Variants in ARHGAP10 observed in about 807,000 individuals in gnomAD.
ARHGAP10 encodes the protein Rho GTPase activating protein 10, also known as rho GTPase-activating protein 10.
In ARHGAP10, 87 loss-of-function variants were observed where a neutral mutation model predicts 108.6. That is an observed-to-expected ratio of 0.80 (90% CI 0.67 to 0.96). ARHGAP10 has a LOEUF of 0.96. Among genes scored for constraint, ARHGAP10 ranks in the 40% least tolerant of loss-of-function variants. The pLI is 0.00. For missense variants in ARHGAP10, 939 were observed against 954.5 expected (o/e 0.98, Z 0.21); for synonymous variants, 347 against 341.1 (o/e 1.02, Z -0.19).
chr4:147,858,696 G>A (rs917847207), intron 5 of ARHGAP10, among the ~76,000 whole-genome samples: 1 of 152,044 alleles, frequency 6.6e-6, no homozygotes. Flanking sequence ...CTCATCTCCT[G>A]CCCTCTGTCA....
chr4:147,737,369 G>A (rs945613214), intron 1 of ARHGAP10, among the ~76,000 whole-genome samples: 2 of 141,662 alleles, frequency 1.4e-5, no homozygotes, highest in Non-Finnish European at 3.0e-5. Flanking sequence ...CACTGTGGTT[G>A]GTCTTGAACT....
At position 148,072,233 on chromosome 4, in the gene ARHGAP10, G is replaced by T. The variant is rs1401670351; in HGVS notation, c.*152G>T. 3.9e-6 allele frequency: 2 copies of T among 509,536 alleles called. No individual in the cohort carries two copies. The highest frequency in any genetic ancestry group is 6.9e-6 in the Non-Finnish European group (2 of 291,762). The allele number at this position is 509,536 out of a possible 1,614,324, so 31.6% of individuals were successfully genotyped here. ...TCACAGTCAGCCCTGGGGGTGGGGG[G>T]TGGTGGGCAGGGATGGGACGCACCA... On this transcript the variant is annotated 3_prime_UTR_variant, in exon 23 of 23. Coordinates refer to ENST00000336498, the MANE Select transcript of ARHGAP10 (RefSeq NM_024605.4).
intron 1 of ARHGAP10, among the ~76,000 whole-genome samples, chr4:147,766,814 A>T (rs1579018089): frequency 1.8e-4 from 1 of 5,634 alleles, no homozygotes. Context: ...ATATATATAT[A>T]TATATATATA....
intron 13 of ARHGAP10, among the ~76,000 whole-genome samples, chr4:147,937,921 G>T (rs1163482711): frequency 6.6e-6 from 1 of 152,204 alleles, no homozygotes; most frequent in African/African-American, 2.4e-5. Context: ...GGAGGTTGCA[G>T]TGAGCCGAGA....
intron 18 of ARHGAP10, among the ~76,000 whole-genome samples, chr4:147,995,042 C>G (rs1048197385): frequency 6.6e-6 from 1 of 152,166 alleles, no homozygotes; most frequent in African/African-American, 2.4e-5. Context: ...ACAGACAGAT[C>G]CACAGTGTAA....
chr4:147,830,380 C>T (rs1450938883), intron 3 of ARHGAP10, among the ~76,000 whole-genome samples: 2 of 152,172 alleles, frequency 1.3e-5, no homozygotes, highest in Non-Finnish European at 2.9e-5. Flanking sequence ...TCTCATCATC[C>T]TTTCATGCTC....
intron 21 of ARHGAP10, 133 bp from the exon 22 acceptor site, chr4:148,064,283 G>A (rs1729758659): frequency 7.8e-6 from 5 of 644,586 alleles, no homozygotes; most frequent in Admixed American, 3.0e-5. Flanking sequence ...TCACTTCCAC[G>A]TTAATTTCTC....
intron 18 of ARHGAP10, among the ~76,000 whole-genome samples, chr4:148,021,537 G>C (rs1248668318): frequency 6.6e-6 from 1 of 152,212 alleles, no homozygotes. Flanking sequence ...TAGTAGGTAA[G>C]CCAGGGAGCT....
chr4:148,009,556 T>C (rs1270077209), intron 18 of ARHGAP10, among the ~76,000 whole-genome samples: 2 of 152,234 alleles, frequency 1.3e-5, no homozygotes, highest in East Asian at 3.8e-4. Context: ...TTAAAGGCCT[T>C]GTTAGAATGT....
chr4:147,734,125 A>T (rs4835093), intron 1 of ARHGAP10, among the ~76,000 whole-genome samples: 1 of 151,930 alleles, frequency 6.6e-6, no homozygotes, highest in Non-Finnish European at 1.5e-5. Context: ...TGTTAACCAG[A>T]GTCAGTGGCC....
chr4:147,884,733 GC>G (rs1735472246), intron 10 of ARHGAP10, among the ~76,000 whole-genome samples: 1 of 152,204 alleles, frequency 6.6e-6, no homozygotes, highest in Non-Finnish European at 1.5e-5. Context: ...ACATGTGGAG[GC>G]CTGGAGACAG....
intron 16 of ARHGAP10, among the ~76,000 whole-genome samples, chr4:147,964,040 G>A (rs1739106537): frequency 6.6e-6 from 1 of 152,178 alleles, no homozygotes; most frequent in Admixed American, 6.5e-5. Flanking sequence ...TTATTCTGAT[G>A]TTTTGACATC....
intron 9 of ARHGAP10, 67 bp from the exon 10 acceptor site, chr4:147,881,771 T>C: frequency 6.9e-7 from 1 of 1,446,940 alleles, no homozygotes; most frequent in Non-Finnish European, 9.6e-7. Flanking sequence ...CTCTCCAGTA[T>C]AGAATGGCTG....
At chr4:147,876,013 T>G (rs57640571) in intron 8 of ARHGAP10, among the ~76,000 whole-genome samples, 4,065 of 152,290 alleles carry the variant, frequency 0.027, 190 homozygotes, top group African/African-American at 0.093. Context: ...AGTTTTCACT[T>G]CATTTAAGTG....
intron 18 of ARHGAP10, among the ~76,000 whole-genome samples, chr4:148,016,079 C>T (rs77667290): frequency 0.011 from 1,632 of 152,200 alleles, 37 homozygotes; most frequent in African/African-American, 0.037. Context: ...AAGCACTTGG[C>T]ATAATGTCAG....
rs747383052 is a variant in ARHGAP10 at position 147,965,066 on chromosome 4, T to C, written c.1493T>C (p.Leu498Ser). The C allele has an allele frequency of 6.2e-7, 1 of 1,607,142 alleles. No individual in the cohort carries two copies. The highest frequency in any genetic ancestry group is 1.1e-5 in the South Asian group (1 of 89,694). ...TCTCGTGTTAATGCGATCCATTTCT[T>C]GGTACACAAACTGCCAGAGAAGAAT... ...PESRVNAIHF[L>S]VHKLPEKNKE... The change falls in exon 17 of 23, where the codon TTG (leucine) becomes TCG (serine). Residue 498 changes from leucine (L) to serine (S), a missense_variant. Coordinates refer to ENST00000336498, the MANE Select transcript of ARHGAP10 (RefSeq NM_024605.4).
At chr4:147,968,130 T>C (rs895868464) in intron 18 of ARHGAP10, among the ~76,000 whole-genome samples, 10 of 152,194 alleles carry the variant, frequency 6.6e-5, no homozygotes, top group African/African-American at 2.4e-4. Flanking sequence ...CTATTCAGTT[T>C]AGCTGGGCTT....
rs374555328 is a variant in ARHGAP10 at position 148,063,141 on chromosome 4, C to T, written c.2028-7C>T. On this transcript the variant is annotated splice_region_variant and splice_polypyrimidine_tract_variant and intron_variant, in intron 20 of 22. Transcript: ENST00000336498. Reference sequence around the variant, plus strand: ...ATTAATCCTGTCCTTCAAACTCCTACCCTTAGCCCAGGCCAGACCCGATCG... The same window carrying T: ...ATTAATCCTGTCCTTCAAACTCCTATCCTTAGCCCAGGCCAGACCCGATCG... 1.2e-6 allele frequency: 2 copies of T among 1,613,956 alleles called. No individual in the cohort carries two copies. The highest frequency in any genetic ancestry group is 1.7e-6 in the Non-Finnish European group (2 of 1,180,002).
At chr4:147,818,330 C>T (rs182901929) in intron 1 of ARHGAP10, among the ~76,000 whole-genome samples, 1 of 151,870 alleles carries the variant, frequency 6.6e-6, no homozygotes, top group Non-Finnish European at 1.5e-5. Flanking sequence ...CTTTGGGAGG[C>T]CGAGGCAGGT....
Sources: allele counts gnomAD v4.1 joint callset (sites outside exome capture counted in the v4.1 genomes callset), GRCh38; gene constraint gnomAD v4.1.1; transcripts MANE v1.5; gene names NCBI Gene and HGNC (gene_info 2026-07-23, HGNC 2026-07-21).